LPP: variants seen among roughly 807,000 people sequenced by gnomAD.
LPP encodes the protein lipoma-preferred partner.
Under a neutral mutation model 60.4 loss-of-function variants are expected in LPP, and 38 were observed. The observed-to-expected ratio is 0.63, with a 90% CI of 0.49 to 0.83. The LOEUF (loss-of-function observed/expected upper bound fraction) is 0.83, where lower values mean the gene tolerates loss of function less well. Ranked by LOEUF, LPP falls within the 40% of genes least tolerant of loss-of-function variation. The probability of loss-of-function intolerance (pLI) is 0.00; values close to 1 mark genes in which losing one functional copy is unlikely to be tolerated. For synonymous variants in LPP, 328 were observed against 290.8 expected (o/e 1.13, Z -1.30); for missense variants, 902 against 783.6 (o/e 1.15, Z -1.80).
At chr3:188,865,036 C>A (rs1766237439) in intron 9 of LPP, among the ~76,000 whole-genome samples, 1 of 152,218 alleles carries the variant, frequency 6.6e-6, no homozygotes, top group African/African-American at 2.4e-5. Context: ...AGAGCAGCTA[C>A]CCCTGAATTT....
intron 7 of LPP, among the ~76,000 whole-genome samples, chr3:188,644,326 C>T (rs1377649142): frequency 6.6e-6 from 1 of 152,088 alleles, no homozygotes; most frequent in East Asian, 1.9e-4. Context: ...AAGAAGTAAA[C>T]AAACGTTTGG....
At chr3:188,734,301 C>G (rs1472162421) in intron 8 of LPP, among the ~76,000 whole-genome samples, 1 of 152,146 alleles carries the variant, frequency 6.6e-6, no homozygotes. Context: ...TTATTTTTAT[C>G]AAAAAATGTT....
chr3:188,735,685 G>C (rs1722259361), intron 8 of LPP, among the ~76,000 whole-genome samples: 1 of 152,090 alleles, frequency 6.6e-6, no homozygotes, highest in Non-Finnish European at 1.5e-5. Context: ...TGCCTGGCCT[G>C]TAATAACATA....
intron 9 of LPP, among the ~76,000 whole-genome samples, chr3:188,828,585 A>AGCCTG (rs1366783775): frequency 4.4e-5 from 6 of 136,754 alleles, no homozygotes; most frequent in Non-Finnish European, 9.3e-5. Flanking sequence ...ATTGCACTCT[A>AGCCTG]GCCTGGCAAC....
intron 5 of LPP, among the ~76,000 whole-genome samples, chr3:188,488,447 C>G (rs1807276080): frequency 6.6e-6 from 1 of 152,070 alleles, no homozygotes; most frequent in Non-Finnish European, 1.5e-5. Flanking sequence ...ACCTCCATGC[C>G]TGTGATGTTT....
intron 2 of LPP, among the ~76,000 whole-genome samples, chr3:188,269,409 T>C (rs1736823589): frequency 1.3e-5 from 2 of 152,240 alleles, no homozygotes; most frequent in African/African-American, 4.8e-5. Flanking sequence ...AATGTTTATA[T>C]TGAATTCTCT....
chr3:188,601,303 G>T (rs1841121508), intron 6 of LPP, among the ~76,000 whole-genome samples: 1 of 152,042 alleles, frequency 6.6e-6, no homozygotes, highest in African/African-American at 2.4e-5. Context: ...TTAACACGGA[G>T]CTTCTTGAAA....
chr3:188,679,568 C>T lies in LPP; in HGVS notation c.1114-28699C>T, dbSNP rs1006272191. ...GTGTGTGTGTGTGTGTGTGTGCGCGCGCGCATGTTTAGTTGCTGTTGAAAA... is the reference window on the plus strand; with the variant it reads ...GTGTGTGTGTGTGTGTGTGTGCGCGTGCGCATGTTTAGTTGCTGTTGAAAA... On this transcript the variant is annotated intron_variant, in intron 7 of 11. Coordinates refer to ENST00000617246, the MANE Select transcript of LPP (RefSeq NM_001375462.1). Among the ~76,000 whole-genome samples the T allele has an allele frequency of 9.5e-5, 14 of 147,532 alleles. 1 individual carries two copies. The highest frequency in any genetic ancestry group is 4.3e-4 in the South Asian group (2 of 4,674).
intron 8 of LPP, among the ~76,000 whole-genome samples, chr3:188,749,160 T>A (rs1016800970): frequency 6.6e-6 from 1 of 152,202 alleles, no homozygotes; most frequent in Non-Finnish European, 1.5e-5. Context: ...AATGAAAATC[T>A]ACTGTTAGGT....
At chr3:188,528,561 A>G (rs942678116) in intron 6 of LPP, among the ~76,000 whole-genome samples, 4 of 152,158 alleles carry the variant, frequency 2.6e-5, no homozygotes. Flanking sequence ...GAGCACACAA[A>G]TTCATCATCA....
intron 1 of LPP, among the ~76,000 whole-genome samples, chr3:188,164,500 G>C (rs1031760609): frequency 1.3e-5 from 2 of 152,166 alleles, no homozygotes; most frequent in African/African-American, 4.8e-5. Flanking sequence ...AAATAACTTG[G>C]TTGGCACCTG....
intron 2 of LPP, among the ~76,000 whole-genome samples, chr3:188,240,564 T>A (rs1724036753): frequency 6.6e-6 from 1 of 152,280 alleles, no homozygotes; most frequent in Non-Finnish European, 1.5e-5. Flanking sequence ...GAGAGCTTTA[T>A]TCAAACTCAT....
At chr3:188,542,461 C>T (rs1962838) in intron 6 of LPP, among the ~76,000 whole-genome samples, 65,852 of 152,054 alleles carry the variant, frequency 0.43, 15,342 homozygotes, top group East Asian at 0.92. Flanking sequence ...AACTACTTGC[C>T]TTGTGCACAG....
chr3:188,405,972 T>C (rs1783393425), intron 3 of LPP, 140 bp from the exon 4 acceptor site: 3 of 657,088 alleles, frequency 4.6e-6, no homozygotes, highest in Non-Finnish European at 7.7e-6. Context: ...TTTTTCTTTC[T>C]TCCATTTTCT....
rs544614053 is a variant in LPP, at chr3:188,529,807, A to G, written c.429+5020A>G. On this transcript the variant is annotated intron_variant, in intron 6 of 11. Transcript: ENST00000617246. ...CAACAGGTCTTTCCTTTAGAGTGAT[A>G]TTTAATCTTACAGAAGAGATAAGCC... Among the ~76,000 whole-genome samples, 35 of 152,316 alleles carry G rather than the reference A, an allele frequency of 2.3e-4. No homozygotes were observed. In the South Asian group the frequency reaches 7.3e-3, roughly 32 times the overall value.
intron 8 of LPP, among the ~76,000 whole-genome samples, chr3:188,752,359 G>A (rs1355716499): frequency 2.6e-5 from 4 of 152,072 alleles, no homozygotes; most frequent in South Asian, 2.1e-4. Flanking sequence ...AAGGAAATTC[G>A]GGCTCAGAAA....
chr3:188,607,411 A>G (rs1226530281), intron 6 of LPP, among the ~76,000 whole-genome samples: 3 of 28,410 alleles, frequency 1.1e-4, no homozygotes, highest in African/African-American at 2.4e-4. Context: ...ATATATATAT[A>G]TATATAATTT....
chr3:188,177,577 C>A (rs1004071712), intron 1 of LPP, among the ~76,000 whole-genome samples: 1 of 151,950 alleles, frequency 6.6e-6, no homozygotes, highest in Non-Finnish European at 1.5e-5. Context: ...AGAGGCCTGG[C>A]TAGGAGTTGG....
intron 2 of LPP, among the ~76,000 whole-genome samples, chr3:188,281,600 C>CTA (rs1560195954): frequency 1.2e-4 from 2 of 17,378 alleles, no homozygotes; most frequent in African/African-American, 6.6e-4. Context: ...GAAGACTCTA[C>CTA]CAAAAAAAAA....
Sources: gnomAD v4.1 joint callset for allele counts (sites outside exome capture counted in the v4.1 genomes callset) on GRCh38, gnomAD v4.1.1 for gene constraint, MANE v1.5 for transcripts, NCBI Gene and HGNC (gene_info 2026-07-23, HGNC 2026-07-21) for gene names.